KMT2A: variants seen among roughly 807,000 people sequenced by gnomAD.
KMT2A encodes the protein histone-lysine N-methyltransferase 2A.
A neutral mutation model predicts 345.3 loss-of-function variants in KMT2A; 16 were observed. The observed-to-expected ratio is 0.05, with a 90% CI of 0.03 to 0.07. KMT2A has a LOEUF of 0.07. Ranked by LOEUF, KMT2A falls within the 10% of genes least tolerant of loss-of-function variation. The probability of loss-of-function intolerance (pLI) is 1.00; values close to 1 mark genes in which losing one functional copy is unlikely to be tolerated. For synonymous variants in KMT2A, 1,599 were observed against 1,778.6 expected, an observed-to-expected ratio of 0.90 and a Z score of 2.54; for missense variants, 3,272 against 4,841.6, an observed-to-expected ratio of 0.68 and a Z score of 9.62.
intron 10 of KMT2A, 27 bp from the exon 11 acceptor site, chr11:118,488,587 T>C: frequency 6.2e-7 from 1 of 1,611,848 alleles, no homozygotes; most frequent in African/African-American, 1.3e-5. Context: ...TTTGACATAC[T>C]TCTATCTTCC....
chr11:118,496,857 T>G lies in KMT2A; in HGVS notation c.5664+490T>G, dbSNP rs782736916. Among the ~76,000 whole-genome samples, 2 of 152,218 alleles carry G rather than the reference T, an allele frequency of 1.3e-5. No homozygotes were observed. The highest frequency in any genetic ancestry group is 2.9e-5 in the Non-Finnish European group (2 of 68,032). ...AGTTTCATCTTTAAAATGAAGATAA[T>G]AACGCTTACCTCAGAGTGGCTGTGA... On this transcript the variant is annotated intron_variant, in intron 20 of 35. Coordinates refer to ENST00000534358, the MANE Select transcript of KMT2A (RefSeq NM_001197104.2). The surrounding 1 kb of genome is among the most constrained non-coding windows in gnomAD (Gnocchi z 4.7).
In KMT2A at chr11:118,473,875, T is replaced by C. The variant is rs781806682; in HGVS notation, c.2716T>C (p.Tyr906His). 1.2e-6 allele frequency: 2 copies of C among 1,614,202 alleles called. No individual in the cohort carries two copies. Among genetic ancestry groups the C allele is most frequent in the South Asian group, 1.1e-5 (1 of 91,080 alleles). ...AGAAATTCAGAGTAGTTCTGCTTTG[T>C]ATCCTGTGGGTAGGGTTTCCAAAGA... is the stretch of plus-strand genomic sequence containing the variant. ...GSEIQSSSAL[Y>H]PVGRVSKEKV... Residue 906 changes from tyrosine to histidine, a missense_variant, in exon 3 of 36, where the codon TAT becomes CAT. Coordinates refer to ENST00000534358, the MANE Select transcript of KMT2A (RefSeq NM_001197104.2). This position sits in a 1 kb window ranked among gnomAD's most constrained non-coding sequence, Gnocchi z 5.2.
At position 118,496,035 on chromosome 11, in the gene KMT2A, A is replaced by G. The variant is rs1355858493; in HGVS notation, c.5557+142A>G. On this transcript the variant is annotated intron_variant, in intron 19 of 35. Transcript: ENST00000534358. This position sits in a 1 kb window ranked among gnomAD's most constrained non-coding sequence, Gnocchi z 4.7. ...CATCCTTAAATGTAATACCATCATTAATTTTGCTTCACTTGAGGTGTTAAT... is the reference window on the plus strand; with the variant it reads ...CATCCTTAAATGTAATACCATCATTGATTTTGCTTCACTTGAGGTGTTAAT... The G allele has an allele frequency of 3.6e-6, 3 of 823,428 alleles. No homozygotes were observed. The Admixed American group carries it at 7.9e-5, about 22-fold the overall frequency. The allele number at this position is 823,428 out of a possible 1,614,324, so 51.0% of individuals were successfully genotyped here.
chr11:118,524,553 A>G lies in KMT2A; in HGVS notation c.*2381A>G, dbSNP rs568014087. On this transcript the variant is annotated 3_prime_UTR_variant, in exon 36 of 36. Coordinates refer to ENST00000534358, the MANE Select transcript of KMT2A (RefSeq NM_001197104.2). Reference sequence around the variant, plus strand: ...CATCATGGAGAAGTGCCAGCAGGGGACTGGGAAAAGCACTCTACCCAGACC... The same window carrying G: ...CATCATGGAGAAGTGCCAGCAGGGGGCTGGGAAAAGCACTCTACCCAGACC... 1.4e-4 allele frequency: 25 copies of G among 183,180 alleles called. No homozygotes were observed. In the South Asian group the frequency reaches 4.9e-3, roughly 36 times the overall value. 11.3% of individuals were successfully genotyped at this position (183,180 alleles called of 1,614,324 possible). A position where few individuals can be genotyped will look rare whatever the true frequency, so the allele number is the denominator to read the frequency against.
In KMT2A at chr11:118,510,233, T is replaced by G; in HGVS notation, c.11071+115T>G. On this transcript the variant is annotated intron_variant, in intron 30 of 35. Coordinates refer to ENST00000534358, the MANE Select transcript of KMT2A (RefSeq NM_001197104.2). This position sits in a 1 kb window ranked among gnomAD's most constrained non-coding sequence, Gnocchi z 4.1. ...TGTTTTATGCTAGATGGTAGGGGGA[T>G]ACCTGGAGGCATCATACATTTTCCT... 1.4e-6 allele frequency: 1 copy of G among 735,470 alleles called. No homozygotes were observed. Among genetic ancestry groups the G allele is most frequent in the Non-Finnish European group, 2.2e-6 (1 of 455,882 alleles). 45.6% of individuals were successfully genotyped at this position (735,470 alleles called of 1,614,324 possible). A position where few individuals can be genotyped will look rare whatever the true frequency, so the allele number is the denominator to read the frequency against.
chr11:118,448,250 T>C lies in KMT2A; in HGVS notation c.432+11306T>C, dbSNP rs566212114. On this transcript the variant is annotated intron_variant, in intron 1 of 35. Transcript: ENST00000534358. ...AACAAATAAGTATTTGTAGCTTTTA[T>C]GTCCATTTTCAGTTGTCATTTAAAG... 3.9e-5 allele frequency: 6 copies of C among 152,382 alleles called. No individual in the cohort carries two copies. The East Asian group carries it at 1.2e-3, about 29-fold the overall frequency. 9.4% of individuals were successfully genotyped at this position (152,382 alleles called of 1,614,324 possible). A position where few individuals can be genotyped will look rare whatever the true frequency, so the allele number is the denominator to read the frequency against.
rs2134387546 is a variant in KMT2A at position 118,502,898 on chromosome 11, C to A, written c.7006C>A (p.Pro2336Thr). Residue 2336 changes from proline (P) to threonine (T), a missense_variant, in exon 27 of 36, where the codon CCA (proline) becomes ACA (threonine). Physicochemically the swap from Pro to Thr is conservative, Grantham distance 38 (BLOSUM62 -1). This residue lies in a region of KMT2A where 445 missense variants were observed against 500.9 expected (regional missense o/e 0.89). Transcript: ENST00000534358. This position sits in a 1 kb window ranked among gnomAD's most constrained non-coding sequence, Gnocchi z 4.9. ...VAYPGIPKLA[P>T]QVHNTTSREL... ...TTACCCTGGAATTCCTAAACTGGCC[C>A]CACAGGTTCATAACACAACATCTAG... 6.2e-7 allele frequency: 1 copy of A among 1,614,124 alleles called. No individual in the cohort carries two copies. Among genetic ancestry groups the A allele is most frequent in the Non-Finnish European group, 8.5e-7 (1 of 1,180,022 alleles).
chr11:118,520,282 T>G lies in KMT2A; in HGVS notation c.11429+218T>G. ...AAGAACTGTAAGATGCCTGTTTTCT[T>G]TAATGATAGTATACTCTGTCAGCTT... On this transcript the variant is annotated intron_variant, in intron 33 of 35. Transcript: ENST00000534358. The surrounding 1 kb of genome is among the most constrained non-coding windows in gnomAD (Gnocchi z 4.3). 1 of 544,416 alleles carries G rather than the reference T, an allele frequency of 1.8e-6. No individual in the cohort carries two copies. The highest frequency in any genetic ancestry group is 3.1e-5 in the East Asian group (1 of 32,302). The allele number at this position is 544,416 out of a possible 1,614,324, so 33.7% of individuals were successfully genotyped here. A position where few individuals can be genotyped will look rare whatever the true frequency, so the allele number is the denominator to read the frequency against.
intron 15 of KMT2A, 135 bp from the exon 16 acceptor site, chr11:118,492,922 A>G (rs1169070558): frequency 1.4e-6 from 1 of 707,338 alleles, no homozygotes; most frequent in Non-Finnish European, 2.3e-6. Flanking sequence ...CTATTTGAGA[A>G]ATCTGATTAT....
At chr11:118,475,612 A>T (rs1416469556) in intron 3 of KMT2A, among the ~76,000 whole-genome samples, 9 of 152,038 alleles carry the variant, frequency 5.9e-5, no homozygotes, top group African/African-American at 1.9e-4. Flanking sequence ...AGTCCTAGCT[A>T]CTCGGGAGGC....
chr11:118,479,971 T>C (rs1950103021), intron 5 of KMT2A, among the ~76,000 whole-genome samples: 1 of 152,140 alleles, frequency 6.6e-6, no homozygotes, highest in Non-Finnish European at 1.5e-5. Context: ...TTTGCTCCTT[T>C]TAGATCCTAA....
rs1951039063 is a variant in KMT2A, at chr11:118,524,490, GC to G, written c.*2321del. On this transcript the variant is annotated 3_prime_UTR_variant, in exon 36 of 36. Coordinates refer to ENST00000534358, the MANE Select transcript of KMT2A (RefSeq NM_001197104.2). ...CACTGTTTTCACTGTCATGCAGGGA[GC>G]CCAGCACTGTGGCCAGGATGGCAGA... The G allele has an allele frequency of 1.6e-5, 3 of 185,824 alleles. No homozygotes were observed. The highest frequency in any genetic ancestry group is 2.0e-4 in the South Asian group (1 of 5,100). The allele number at this position is 185,824 out of a possible 1,614,324, so 11.5% of individuals were successfully genotyped here. A position where few individuals can be genotyped will look rare whatever the true frequency, so the allele number is the denominator to read the frequency against.
rs902265471 is a variant in KMT2A at position 118,524,008 on chromosome 11, G to A, written c.*1836G>A. ...CGCAACTTCCAGAGTGGTGGGAGAC[G>A]GCAATCTTTACATTTCCCTCATCTT... On this transcript the variant is annotated 3_prime_UTR_variant, in exon 36 of 36. Transcript: ENST00000534358. 6.0e-5 allele frequency: 12 copies of A among 201,494 alleles called. No individual in the cohort carries two copies. The highest frequency in any genetic ancestry group is 1.2e-4 in the Non-Finnish European group (12 of 97,826). 12.5% of individuals were successfully genotyped at this position (201,494 alleles called of 1,614,324 possible).
chr11:118,480,820 G>A (rs1480419684), intron 6 of KMT2A, among the ~76,000 whole-genome samples: 1 of 151,890 alleles, frequency 6.6e-6, no homozygotes, highest in Non-Finnish European at 1.5e-5. Context: ...GCACCACCAC[G>A]CCCAGCTAAT....
At position 118,524,074 on chromosome 11, in the gene KMT2A, T is replaced by G. The variant is rs370795871; in HGVS notation, c.*1902T>G. 2.1e-5 allele frequency: 4 copies of G among 191,294 alleles called. No individual in the cohort carries two copies. Among genetic ancestry groups the G allele is most frequent in the African/African-American group, 9.3e-5 (4 of 42,928 alleles). The allele number at this position is 191,294 out of a possible 1,614,324, so 11.8% of individuals were successfully genotyped here. On this transcript the variant is annotated 3_prime_UTR_variant, in exon 36 of 36. Coordinates refer to ENST00000534358, the MANE Select transcript of KMT2A (RefSeq NM_001197104.2). The stretch of plus-strand genomic sequence containing the variant: ...AGCAAACAACAAGTTGAATGGCAAC[T>G]TGACATTTTTGCATCACCATCTGCC...
At position 118,522,735 on chromosome 11, in the gene KMT2A, C is replaced by T. The variant is rs565946523; in HGVS notation, c.*563C>T. The T allele has an allele frequency of 2.3e-5, 5 of 213,798 alleles. No homozygotes were observed. Among genetic ancestry groups the T allele is most frequent in the South Asian group, 1.8e-4 (1 of 5,460 alleles). 13.2% of individuals were successfully genotyped at this position (213,798 alleles called of 1,614,324 possible). ...TGGGAGACAGGATTCCTAGCACCTC[C>T]GGTGTCAAAAGGCTGTCATGGGGTT... is the stretch of plus-strand genomic sequence containing the variant. On this transcript the variant is annotated 3_prime_UTR_variant, in exon 36 of 36. Transcript: ENST00000534358. The surrounding 1 kb of genome is among the most constrained non-coding windows in gnomAD (Gnocchi z 5.4).
At chr11:118,508,166 TTTG>T (rs1406720328) in intron 28 of KMT2A, among the ~76,000 whole-genome samples, 2 of 152,180 alleles carry the variant, frequency 1.3e-5, no homozygotes, top group African/African-American at 2.4e-5. Context: ...TTGCTAATAA[TTTG>T]TTTTTATCTA....
intron 1 of KMT2A, among the ~76,000 whole-genome samples, chr11:118,451,990 C>G (rs1266338975): frequency 6.6e-6 from 1 of 152,120 alleles, no homozygotes; most frequent in Non-Finnish European, 1.5e-5. Context: ...AGTTGTCTTA[C>G]ACCAAATGTA....
In KMT2A at chr11:118,473,200, C is replaced by T. The variant is rs1555036305; in HGVS notation, c.2041C>T (p.Pro681Ser). 6.2e-7 allele frequency: 1 copy of T among 1,613,420 alleles called. No homozygotes were observed. The highest frequency in any genetic ancestry group is 1.7e-4 in the Middle Eastern group (1 of 6,058). Reference protein sequence around the residue: ...GTAASARLFSPLHSGTRFDMH... With the variant: ...GTAASARLFSSLHSGTRFDMH... ...CGCTGCTTCAGCCCGATTGTTTTCG[C>T]CACTCCATTCTGGAACAAGGTTTGA... Residue 681 changes from proline (P) to serine (S), a missense_variant, in exon 3 of 36, where the codon CCA (proline) becomes TCA (serine). Coordinates refer to ENST00000534358, the MANE Select transcript of KMT2A (RefSeq NM_001197104.2). This position sits in a 1 kb window ranked among gnomAD's most constrained non-coding sequence, Gnocchi z 5.2.
Sources: gnomAD v4.1 joint callset for allele counts (sites outside exome capture counted in the v4.1 genomes callset) on GRCh38, gnomAD v4.1.1 for gene constraint, gnomAD v4.1.1 regional missense constraint, Gnocchi (gnomAD v3.1) non-coding constraint, MANE v1.5 for transcripts, NCBI Gene and HGNC (gene_info 2026-07-23, HGNC 2026-07-21) for gene names.